The following KCNT2 variants were observed in gnomAD, a reference collection of about 807,000 sequenced individuals.
The protein encoded by KCNT2 is potassium sodium-activated channel subfamily T member 2.
In KCNT2, 67 loss-of-function variants were observed where a neutral mutation model predicts 153.8. The observed-to-expected ratio is 0.44, with a 90% CI of 0.36 to 0.53. The LOEUF is 0.53. Among genes scored for constraint, KCNT2 ranks in the 20% least tolerant of loss-of-function variants. KCNT2 has a pLI of 0.00. For missense variants in KCNT2, 975 were observed against 1,354.8 expected (o/e 0.72, Z 4.40); for synonymous variants, 500 against 458.8 (o/e 1.09, Z -1.15).
At position 196,429,612 on chromosome 1, in the gene KCNT2, T is replaced by C. The variant is rs1462654551; in HGVS notation, c.784A>G (p.Met262Val). 1 of 1,612,516 alleles carries C rather than the reference T, an allele frequency of 6.2e-7. No homozygotes were observed. The highest frequency in any genetic ancestry group is 8.5e-7 in the Non-Finnish European group (1 of 1,179,272). ...AGAACCACAAGAGCAACACAAATCA[T>C]AGCAACTACAAAAAGCTTGGAGGAC... ...TWSSKLFVVA[M>V]ICVALVVLPI... The change falls in exon 9 of 28, where the codon ATG becomes GTG. Residue 262 changes from methionine (M) to valine (V), a missense_variant. By Grantham distance (21) the Met-to-Val change is conservative. This residue lies in a region of KCNT2 where 202 missense variants were observed against 314.9 expected (regional missense o/e 0.64). Coordinates refer to ENST00000294725, the MANE Select transcript of KCNT2 (RefSeq NM_198503.5).
At position 196,607,184 on chromosome 1, in the gene KCNT2, A is replaced by AT. The variant is rs142832017; in HGVS notation, c.95+1030dup. On this transcript the variant is annotated intron_variant, in intron 1 of 27. Transcript: ENST00000294725. ...TTGGTCAGTGGTGAATGAGGAGGGG[A>AT]TTTTGGATTGGACCAATAATGGATC... is the stretch of plus-strand genomic sequence containing the variant. 6.0e-3 allele frequency among the ~76,000 whole-genome samples: 917 copies of AT among 152,302 alleles called. 11 individuals carry two copies. Among genetic ancestry groups the AT allele is most frequent in the Non-Finnish European group, 0.01 (697 of 68,000 alleles).
At chr1:196,262,875 G>C (rs1657157421) in intron 25 of KCNT2, among the ~76,000 whole-genome samples, 1 of 152,026 alleles carries the variant, frequency 6.6e-6, no homozygotes, top group African/African-American at 2.4e-5. Flanking sequence ...AATATTTTAT[G>C]ACCTTAAGCA....
intron 18 of KCNT2, 90 bp from the exon 19 acceptor site, chr1:196,326,979 A>G: frequency 1.4e-6 from 1 of 722,670 alleles, no homozygotes; most frequent in Non-Finnish European, 2.3e-6. Context: ...TGTAAAATTA[A>G]TTGAACAATG....
intron 1 of KCNT2, among the ~76,000 whole-genome samples, chr1:196,498,844 G>A (rs1680455743): frequency 6.6e-6 from 1 of 152,052 alleles, no homozygotes; most frequent in Admixed American, 6.6e-5. Flanking sequence ...ATTATTCTCA[G>A]TTTACTCCTA....
chr1:196,390,653 TG>T (rs1360790957), intron 13 of KCNT2, among the ~76,000 whole-genome samples: 3 of 151,074 alleles, frequency 2.0e-5, no homozygotes, highest in Non-Finnish European at 3.0e-5. Context: ...TAAAATTTTA[TG>T]CCTTTACCGA....
chr1:196,507,991 T>C (rs1045006043), intron 1 of KCNT2, among the ~76,000 whole-genome samples: 3 of 151,418 alleles, frequency 2.0e-5, no homozygotes, highest in African/African-American at 4.8e-5. Context: ...TTAAGACTTA[T>C]TAGGATGGTG....
intron 1 of KCNT2, among the ~76,000 whole-genome samples, chr1:196,570,446 C>T (rs1365698740): frequency 6.6e-6 from 1 of 152,062 alleles, no homozygotes; most frequent in Non-Finnish European, 1.5e-5. Context: ...GTTAGACATA[C>T]TTGTGGGAAC....
chr1:196,475,455 A>T (rs1444195188), intron 5 of KCNT2, among the ~76,000 whole-genome samples: 1 of 152,038 alleles, frequency 6.6e-6, no homozygotes, highest in Non-Finnish European at 1.5e-5. Context: ...CCATCTCTTA[A>T]AAAAAGATAC....
chr1:196,541,271 G>A (rs1320584646), intron 1 of KCNT2, among the ~76,000 whole-genome samples: 3 of 151,374 alleles, frequency 2.0e-5, no homozygotes, highest in Non-Finnish European at 2.9e-5. Flanking sequence ...GAATACATTT[G>A]AAAAAAACAG....
At chr1:196,497,928 TTATTC>T (rs1680384658) in intron 1 of KCNT2, among the ~76,000 whole-genome samples, 1 of 152,208 alleles carries the variant, frequency 6.6e-6, no homozygotes, top group African/African-American at 2.4e-5. Context: ...CTTTTTTAGA[TTATTC>T]TAGTATCTTC....
At chr1:196,410,999 C>T (rs1399336615) in intron 12 of KCNT2, among the ~76,000 whole-genome samples, 1 of 148,674 alleles carries the variant, frequency 6.7e-6, no homozygotes, top group South Asian at 2.2e-4. Flanking sequence ...TTCCTTCCTT[C>T]CTCATTGCTC....
intron 19 of KCNT2, among the ~76,000 whole-genome samples, chr1:196,320,600 C>T (rs1485038623): frequency 2.6e-5 from 4 of 151,602 alleles, no homozygotes; most frequent in Non-Finnish European, 5.9e-5. Context: ...ACAAGCCTCC[C>T]TGGCTAGATG....
At chr1:196,305,818 AC>A (rs1391578504) in intron 21 of KCNT2, among the ~76,000 whole-genome samples, 2 of 152,270 alleles carry the variant, frequency 1.3e-5, no homozygotes, top group East Asian at 3.9e-4. Flanking sequence ...AAATCTTGCT[AC>A]AACAAACTTC....
At chr1:196,601,371 A>T (rs1664702013) in intron 1 of KCNT2, among the ~76,000 whole-genome samples, 1 of 152,190 alleles carries the variant, frequency 6.6e-6, no homozygotes, top group Non-Finnish European at 1.5e-5. Flanking sequence ...ATGTATTTTT[A>T]AATCTAATAT....
intron 1 of KCNT2, among the ~76,000 whole-genome samples, chr1:196,561,549 C>G (rs931935215): frequency 1.4e-5 from 2 of 147,578 alleles, no homozygotes; most frequent in African/African-American, 5.0e-5. Flanking sequence ...AAGTTTCAAT[C>G]AATTTAGAAG....
At chr1:196,572,894 A>G (rs1660936617) in intron 1 of KCNT2, among the ~76,000 whole-genome samples, 1 of 152,048 alleles carries the variant, frequency 6.6e-6, no homozygotes, top group Non-Finnish European at 1.5e-5. Flanking sequence ...TTCTCAGAAA[A>G]CTTTAATGAG....
At chr1:196,235,265 T>C (rs757370603) in intron 27 of KCNT2, among the ~76,000 whole-genome samples, 2 of 151,420 alleles carry the variant, frequency 1.3e-5, no homozygotes, top group African/African-American at 2.4e-5. Flanking sequence ...TGTCCTCTCT[T>C]CTCCACCATC....
At chr1:196,455,055 G>T (rs942386689) in intron 8 of KCNT2, among the ~76,000 whole-genome samples, 2 of 151,974 alleles carry the variant, frequency 1.3e-5, no homozygotes. Flanking sequence ...CTGGCATGTG[G>T]TCTTCTTCAG....
At chr1:196,268,572 A>C (rs755045377) in intron 25 of KCNT2, among the ~76,000 whole-genome samples, 5 of 152,060 alleles carry the variant, frequency 3.3e-5, no homozygotes, top group African/African-American at 1.2e-4. Context: ...ACAGTGTCTC[A>C]CTCCAGTTTT....
Sources: allele counts gnomAD v4.1 joint callset (sites outside exome capture counted in the v4.1 genomes callset), GRCh38; gene constraint gnomAD v4.1.1; regional missense constraint gnomAD v4.1.1; transcripts MANE v1.5; gene names NCBI Gene and HGNC (gene_info 2026-07-23, HGNC 2026-07-21).